Variants in PPP2R5C observed in about 807,000 individuals in gnomAD.
The protein encoded by PPP2R5C is serine/threonine-protein phosphatase 2A 56 kDa regulatory subunit gamma isoform.
Under a neutral mutation model 68.9 loss-of-function variants are expected in PPP2R5C, and 7 were observed. The observed-to-expected ratio is 0.10, with a 90% CI of 0.06 to 0.19. The LOEUF is 0.19. Ranked by LOEUF, PPP2R5C falls within the 10% of genes least tolerant of loss-of-function variation. The pLI, the probability that PPP2R5C is intolerant of heterozygous loss-of-function variation, is 1.00. For synonymous variants in PPP2R5C, 210 were observed against 222.2 expected (o/e 0.95, Z 0.49); for missense variants, 348 against 641.3 (o/e 0.54, Z 4.94).
intron 1 of PPP2R5C, among the ~76,000 whole-genome samples, chr14:101,811,321 T>C (rs2039346713): frequency 6.6e-6 from 1 of 152,144 alleles, no homozygotes; most frequent in African/African-American, 2.4e-5. Flanking sequence ...ATGTAATTGT[T>C]TGGATTTAAG....
At chr14:101,895,838 G>A (rs2140989812) in intron 8 of PPP2R5C, among the ~76,000 whole-genome samples, 1 of 152,234 alleles carries the variant, frequency 6.6e-6, no homozygotes, top group Non-Finnish European at 1.5e-5. Flanking sequence ...ATATCCAGGA[G>A]TGGAATTGCT....
intron 2 of PPP2R5C, among the ~76,000 whole-genome samples, chr14:101,865,924 C>T (rs1355040189): frequency 6.6e-6 from 1 of 152,168 alleles, no homozygotes; most frequent in Non-Finnish European, 1.5e-5. Context: ...TTTTTTGAGA[C>T]AGAGTCTTTC....
chr14:101,901,818 T>C (rs1004405814), exon 9 of PPP2R5C: 1 of 1,614,028 alleles, frequency 6.2e-7, no homozygotes, highest in African/African-American at 1.3e-5. Flanking sequence ...CATTGAACCA[T>C]CAGAATTTGT....
chr14:101,824,710 C>T (rs558510165), intron 1 of PPP2R5C: 1 of 153,144 alleles, frequency 6.5e-6, no homozygotes, highest in Non-Finnish European at 1.5e-5. Context: ...TTAGAAATCA[C>T]CCACTTGGTG....
At chr14:101,813,494 A>C (rs1202379574) in intron 1 of PPP2R5C, among the ~76,000 whole-genome samples, 1 of 152,236 alleles carries the variant, frequency 6.6e-6, no homozygotes, top group Non-Finnish European at 1.5e-5. Context: ...GCAGGCCTTC[A>C]GTCTAGTGCC....
At chr14:101,890,330 G>A in intron 6 of PPP2R5C, 34 bp downstream of exon 8, 1 of 1,591,968 alleles carries the variant, frequency 6.3e-7, no homozygotes, top group Non-Finnish European at 8.6e-7. Context: ...AACGGCTGTA[G>A]ATGGAATTTA....
At chr14:101,897,334 G>T (rs1047149675) in intron 8 of PPP2R5C, among the ~76,000 whole-genome samples, 6 of 151,660 alleles carry the variant, frequency 4.0e-5, no homozygotes, top group African/African-American at 1.5e-4. Context: ...ATTTTCTCCA[G>T]TGGTTACATG....
At chr14:101,861,891 A>G (rs564275401) in intron 2 of PPP2R5C, among the ~76,000 whole-genome samples, 12 of 152,198 alleles carry the variant, frequency 7.9e-5, no homozygotes, top group Non-Finnish European at 1.3e-4. Flanking sequence ...CAGTGATAAA[A>G]TGTGAGCTTT....
At chr14:101,924,604 A>G (rs568565527) in intron 13 of PPP2R5C, among the ~76,000 whole-genome samples, 29 of 151,578 alleles carry the variant, frequency 1.9e-4, no homozygotes, top group African/African-American at 6.3e-4. Context: ...CACTACACCC[A>G]TCTGATTTTT....
At chr14:101,867,903 G>A (rs756376485) in intron 2 of PPP2R5C, among the ~76,000 whole-genome samples, 4 of 152,002 alleles carry the variant, frequency 2.6e-5, no homozygotes, top group South Asian at 2.1e-4. Context: ...ATTTTAATCC[G>A]CACTGTCTGT....
intron 5 of PPP2R5C, among the ~76,000 whole-genome samples, chr14:101,886,587 G>A (rs2044533880): frequency 6.6e-6 from 1 of 152,128 alleles, no homozygotes; most frequent in Non-Finnish European, 1.5e-5. Context: ...TCAAAAGCAA[G>A]CATGCTATCT....
intron 2 of PPP2R5C, among the ~76,000 whole-genome samples, chr14:101,875,495 C>T (rs1007539133): frequency 3.9e-5 from 6 of 152,110 alleles, no homozygotes; most frequent in Non-Finnish European, 7.3e-5. Flanking sequence ...ATTGGTGTTG[C>T]AGTTAATAAG....
intron 1 of PPP2R5C, among the ~76,000 whole-genome samples, chr14:101,823,199 C>T (rs2040183950): frequency 6.6e-6 from 1 of 152,212 alleles, no homozygotes; most frequent in African/African-American, 2.4e-5. Context: ...GGGGACCTAT[C>T]AGCCAAGCTA....
chr14:101,831,218 C>T (rs1211566193), intron 1 of PPP2R5C, among the ~76,000 whole-genome samples: 1 of 152,080 alleles, frequency 6.6e-6, no homozygotes, highest in African/African-American at 2.4e-5. Context: ...TGAAATATGA[C>T]CCTTCTTAAT....
chr14:101,840,408 C>T (rs897216623), intron 1 of PPP2R5C, among the ~76,000 whole-genome samples: 1 of 144,698 alleles, frequency 6.9e-6, no homozygotes, highest in East Asian at 2.1e-4. Context: ...TTGCCTTTTT[C>T]GTCCGCTTGC....
chr14:101,827,071 G>A (rs951745458), intron 1 of PPP2R5C, among the ~76,000 whole-genome samples: 1 of 149,232 alleles, frequency 6.7e-6, no homozygotes, highest in Non-Finnish European at 1.5e-5. Context: ...TGCCTCCCAG[G>A]TTCAAGCGAT....
intron 3 of PPP2R5C, among the ~76,000 whole-genome samples, chr14:101,799,292 A>G (rs2140130892): frequency 6.6e-6 from 1 of 152,182 alleles, no homozygotes; most frequent in East Asian, 1.9e-4. Flanking sequence ...TGCTTCCTGC[A>G]TTTTGCTCTG....
rs559281918 is a variant in PPP2R5C, at chr14:101,821,668, T to C, written c.94+11632T>C. Among the ~76,000 whole-genome samples, 73 of 152,310 alleles carry C rather than the reference T, an allele frequency of 4.8e-4. 1 individual carries two copies. In the South Asian group the frequency reaches 0.015, roughly 31 times the overall value. On this transcript the variant is annotated intron_variant, in intron 1 of 13. Coordinates refer to ENST00000334743, the Ensembl canonical transcript of PPP2R5C. ...GAGTTGGTGTTACGTCATATTATCC[T>C]GTATTGTACTGTGTATACATACGTT...
intron 2 of PPP2R5C, among the ~76,000 whole-genome samples, chr14:101,857,778 G>A (rs1038212960): frequency 6.6e-6 from 1 of 152,164 alleles, no homozygotes; most frequent in Admixed American, 6.5e-5. Context: ...ACTTACTGGG[G>A]AGTCAGTGTG....
Sources: allele counts gnomAD v4.1 joint callset (sites outside exome capture counted in the v4.1 genomes callset), GRCh38; gene constraint gnomAD v4.1.1; transcripts MANE v1.5; gene names NCBI Gene and HGNC (gene_info 2026-07-23, HGNC 2026-07-21).